FBN1: variants seen among roughly 807,000 people sequenced by gnomAD.
The protein encoded by FBN1 is fibrillin 1.
FBN1 carries 29 observed loss-of-function variants against 365.1 expected under a neutral mutation model. That is an observed-to-expected ratio of 0.08 (90% CI 0.06 to 0.11). The LOEUF (loss-of-function observed/expected upper bound fraction) is 0.11, where lower values mean the gene tolerates loss of function less well. Ranked by LOEUF, FBN1 falls within the 10% of genes least tolerant of loss-of-function variation. The pLI is 1.00. For synonymous variants in FBN1, 1,210 were observed against 1,270.5 expected (o/e 0.95, Z 1.01); for missense variants, 2,476 against 3,703.2 (o/e 0.67, Z 8.60).
intron 2 of FBN1, chr15:48,640,906 TTG>T (rs1281040865): frequency 6.6e-6 from 1 of 152,212 alleles, no homozygotes; most frequent in Admixed American, 6.5e-5. Context: ...TTTTTTTTTT[TTG>T]GACTGTCTCC....
chr15:48,629,907 C>T (rs571628993), intron 2 of FBN1, among the ~76,000 whole-genome samples: 4 of 152,256 alleles, frequency 2.6e-5, no homozygotes, highest in East Asian at 1.9e-4. Context: ...TTATCTGTTA[C>T]GCAGCTCAAC....
intron 29 of FBN1, among the ~76,000 whole-genome samples, chr15:48,486,471 C>T (rs1245039248): frequency 1.3e-5 from 2 of 152,176 alleles, no homozygotes; most frequent in Admixed American, 6.5e-5. Flanking sequence ...CTTCACAGCA[C>T]GACTAAACCT....
At chr15:48,583,656 G>GT (rs1382487475) in intron 6 of FBN1, among the ~76,000 whole-genome samples, 1 of 152,094 alleles carries the variant, frequency 6.6e-6, no homozygotes, top group Non-Finnish European at 1.5e-5. Context: ...TTTCCCTTCT[G>GT]TACCTGTATG....
intron 2 of FBN1, among the ~76,000 whole-genome samples, chr15:48,639,684 G>A (rs1411748953): frequency 6.6e-6 from 1 of 152,156 alleles, no homozygotes; most frequent in African/African-American, 2.4e-5. Context: ...GAACAATCAT[G>A]AAACGCTAAA....
chr15:48,428,614 TCC>T, intron 56 of FBN1, 143 bp from the exon 57 acceptor site: 1 of 866,188 alleles, frequency 1.2e-6, no homozygotes, highest in Non-Finnish European at 1.9e-6. Context: ...CTCCCTTCCC[TCC>T]CTCTCACCTT....
intron 6 of FBN1, among the ~76,000 whole-genome samples, chr15:48,593,903 C>T (rs2044498219): frequency 6.6e-6 from 1 of 152,118 alleles, no homozygotes; most frequent in African/African-American, 2.4e-5. Context: ...AAAAAATAAA[C>T]ATCACATCCC....
At position 48,468,262 on chromosome 15, in the gene FBN1, T is replaced by C. The variant is rs144418749; in HGVS notation, c.4582+150A>G. On this transcript the variant is annotated intron_variant, in intron 37 of 65. Coordinates refer to ENST00000316623, the MANE Select transcript of FBN1 (RefSeq NM_000138.5). ...TATACACTACCGAGAATTTTCCCTA[T>C]GGAAAAGATATCTGAATCTAAAGTA... 1,290 of 1,327,554 alleles carry C rather than the reference T, an allele frequency of 9.7e-4. 14 individuals are homozygous for C. The African/African-American group carries it at 0.017, about 18-fold the overall frequency. 82.2% of individuals were successfully genotyped at this position (1,327,554 alleles called of 1,614,324 possible).
At chr15:48,464,057 A>C (rs551929178) in intron 40 of FBN1, 36 bp from the exon 41 acceptor site, 1 of 1,608,266 alleles carries the variant, frequency 6.2e-7, no homozygotes, top group East Asian at 2.2e-5. Context: ...GTGAATATGA[A>C]AACTTCACAT....
At chr15:48,453,294 C>CAAACAAAAAAAAAAAAAATAAAAAAAA (rs2043215612) in intron 44 of FBN1, among the ~76,000 whole-genome samples, 1 of 58,472 alleles carries the variant, frequency 1.7e-5, no homozygotes, top group African/African-American at 4.3e-5. Flanking sequence ...ATAAAACAAA[C>CAAACAAAAAAAAAAAAAATAAAAAAAA]AAAAAAAAAA....
chr15:48,534,181 G>C lies in FBN1; in HGVS notation c.761C>G (p.Pro254Arg). 1 of 1,613,582 alleles carries C rather than the reference G, an allele frequency of 6.2e-7. No individual in the cohort carries two copies. Among genetic ancestry groups the C allele is most frequent in the Non-Finnish European group, 8.5e-7 (1 of 1,179,948 alleles). The change falls in exon 8 of 66, where the codon CCC becomes CGC. Residue 254 changes from proline (P) to arginine (R), a missense_variant. Pro to Arg is a moderately radical substitution (Grantham distance 103). Coordinates refer to ENST00000316623, the MANE Select transcript of FBN1 (RefSeq NM_000138.5). ...GCAATTTCCTCCCTGACAGAGCCCG[G>C]GGATGGCCTGGCATTCATCCACATC... The part of the protein sequence containing the change: ...CQDVDECQAI[P>R]GLCQGGNCIN...
intron 29 of FBN1, among the ~76,000 whole-genome samples, chr15:48,486,425 G>A (rs1295150246): frequency 2.6e-5 from 4 of 152,094 alleles, no homozygotes; most frequent in Non-Finnish European, 5.9e-5. Flanking sequence ...ACTTTGACTC[G>A]GGGCACAATA....
At chr15:48,554,586 G>A (rs957966478) in intron 6 of FBN1, among the ~76,000 whole-genome samples, 5 of 152,128 alleles carry the variant, frequency 3.3e-5, no homozygotes, top group East Asian at 1.9e-4. Flanking sequence ...GAGATGGTAC[G>A]GGGAATCCTA....
In FBN1 at chr15:48,470,622, T is replaced by C. The variant is rs1287081277; in HGVS notation, c.4459+12A>G. ...ACCAGGGAGCTGATTTTGATGCCAG[T>C]GGAGGTCTTACCTGTGCAGTTCCCG... On this transcript the variant is annotated intron_variant, in intron 36 of 65. Coordinates refer to ENST00000316623, the MANE Select transcript of FBN1 (RefSeq NM_000138.5). 1.9e-6 allele frequency: 3 copies of C among 1,613,622 alleles called. No individual in the cohort carries two copies. The highest frequency in any genetic ancestry group is 1.7e-5 in the Admixed American group (1 of 59,986).
intron 15 of FBN1, 132 bp downstream of exon 15, chr15:48,508,450 G>A (rs2043729326): frequency 9.0e-7 from 1 of 1,110,996 alleles, no homozygotes; most frequent in Non-Finnish European, 1.3e-6. Context: ...AGGAGTTTCA[G>A]TCAGGTTTCC....
intron 13 of FBN1, among the ~76,000 whole-genome samples, chr15:48,512,652 A>T (rs946768621): frequency 6.6e-6 from 1 of 152,108 alleles, no homozygotes; most frequent in African/African-American, 2.4e-5. Flanking sequence ...AACGGACATG[A>T]TCTCATTCTT....
Position 48,473,571 on chromosome 15 carries a change from A to G in FBN1, c.4210+684T>C, listed in dbSNP as rs187875349. Among the ~76,000 whole-genome samples the G allele has an allele frequency of 6.3e-4, 96 of 152,336 alleles. 1 individual carries two copies. Among genetic ancestry groups the G allele is most frequent in the Admixed American group, 6.3e-3 (96 of 15,300 alleles). On this transcript the variant is annotated intron_variant, in intron 34 of 65. Coordinates refer to ENST00000316623, the MANE Select transcript of FBN1 (RefSeq NM_000138.5). The stretch of plus-strand genomic sequence containing the variant: ...TAATTAGAGCCAAAAAGAAAATTTC[A>G]TTAATATATTATTGCAAAACTGGAA...
At position 48,440,675 on chromosome 15, in the gene FBN1, A is replaced by G. The variant is rs910529164; in HGVS notation, c.6163+1046T>C. On this transcript the variant is annotated intron_variant, in intron 50 of 65. Coordinates refer to ENST00000316623, the MANE Select transcript of FBN1 (RefSeq NM_000138.5). ...ATCAGATCATTAGAATAACAACAAG[A>G]GTCTACAAAGGACTCAGAAACTAAC... Among the ~76,000 whole-genome samples the G allele has an allele frequency of 2.6e-5, 4 of 152,300 alleles. No individual in the cohort carries two copies. The South Asian group carries it at 8.3e-4, about 32-fold the overall frequency.
At chr15:48,603,292 G>A (rs1364026753) in intron 4 of FBN1, among the ~76,000 whole-genome samples, 2 of 152,170 alleles carry the variant, frequency 1.3e-5, no homozygotes, top group Non-Finnish European at 2.9e-5. Context: ...ATCCTTGGGG[G>A]AAGCCAGGAG....
intron 3 of FBN1, among the ~76,000 whole-genome samples, chr15:48,611,966 A>T (rs2044660327): frequency 6.6e-6 from 1 of 152,250 alleles, no homozygotes; most frequent in South Asian, 2.1e-4. Flanking sequence ...ACGACTAAGA[A>T]ACAAACTGTC....
Sources: allele counts gnomAD v4.1 joint callset (sites outside exome capture counted in the v4.1 genomes callset), GRCh38; gene constraint gnomAD v4.1.1; transcripts MANE v1.5; gene names NCBI Gene and HGNC (gene_info 2026-07-23, HGNC 2026-07-21).